The following RHOBTB3 variants were observed in gnomAD, a reference collection of about 807,000 sequenced individuals.
RHOBTB3 encodes the protein rho-related BTB domain-containing protein 3.
In RHOBTB3, 47 loss-of-function variants were observed where a neutral mutation model predicts 67.2. The ratio of observed to expected loss-of-function variants is 0.70; its 90% CI spans 0.55 to 0.89. The LOEUF (loss-of-function observed/expected upper bound fraction) is 0.89, where lower values mean the gene tolerates loss of function less well. Ranked by LOEUF, RHOBTB3 falls within the 40% of genes least tolerant of loss-of-function variation. The pLI is 0.00. For missense variants in RHOBTB3, 631 were observed against 750.0 expected (o/e 0.84, Z 1.85); for synonymous variants, 273 against 274.2 (o/e 1.00, Z 0.04).
At chr5:95,780,157 G>A in intron 8 of RHOBTB3, 95 bp from the exon 9 acceptor site, 1 of 913,754 alleles carries the variant, frequency 1.1e-6, no homozygotes, top group Non-Finnish European at 1.7e-6. Flanking sequence ...CAGCCTAGCT[G>A]TCCCTAATGT....
Position 95,783,974 on chromosome 5 carries a change from CTG to C in RHOBTB3, c.1623+15_1623+16del. 1 of 1,578,892 alleles carries C rather than the reference CTG, an allele frequency of 6.3e-7. No individual in the cohort carries two copies. Among genetic ancestry groups the C allele is most frequent in the Non-Finnish European group, 8.6e-7 (1 of 1,158,416 alleles). ...CTTAAAAAGGCCAAGGTAATTGACT[CTG>C]TGTATCTGATAGCCTAGTTTTTTAT... On this transcript the variant is annotated intron_variant, in intron 10 of 11. Coordinates refer to ENST00000379982, the MANE Select transcript of RHOBTB3 (RefSeq NM_014899.4).
chr5:95,793,893 T>G lies in RHOBTB3; in HGVS notation c.*719T>G. ...GTTCAAGGCTCTGCTATAGCGGAAA[T>G]TCTTAATAATGTTTGAAGAAGGGCC... is the stretch of plus-strand genomic sequence containing the variant. On this transcript the variant is annotated 3_prime_UTR_variant, in exon 12 of 12. Transcript: ENST00000379982. 1 of 426,982 alleles carries G rather than the reference T, an allele frequency of 2.3e-6. No individual in the cohort carries two copies. The highest frequency in any genetic ancestry group is 4.7e-6 in the Non-Finnish European group (1 of 214,072). The allele number at this position is 426,982 out of a possible 1,614,324, so 26.4% of individuals were successfully genotyped here.
At chr5:95,753,184 C>T (rs1745141869) in intron 5 of RHOBTB3, among the ~76,000 whole-genome samples, 1 of 150,412 alleles carries the variant, frequency 6.6e-6, no homozygotes, top group Admixed American at 6.6e-5. Context: ...CTGATATCTG[C>T]AACTTTTAAA....
At chr5:95,731,718 C>T in intron 1 of RHOBTB3, 34 bp downstream of exon 1, 2 of 1,613,034 alleles carry the variant, frequency 1.2e-6, no homozygotes, top group Non-Finnish European at 1.7e-6. Context: ...CATTGTCTCT[C>T]TCCAGCGCGT....
chr5:95,718,701 C>G (rs901418108), intron 1 of RHOBTB3, among the ~76,000 whole-genome samples: 2 of 152,198 alleles, frequency 1.3e-5, no homozygotes, highest in Non-Finnish European at 2.9e-5. Context: ...CGAAAAATCA[C>G]ACACTAAGGT....
intron 3 of RHOBTB3, among the ~76,000 whole-genome samples, chr5:95,745,896 G>A (rs1744897585): frequency 1.3e-5 from 2 of 151,914 alleles, no homozygotes; most frequent in Admixed American, 1.3e-4. Flanking sequence ...AGATCATATA[G>A]CTGACTGATA....
upstream of RHOBTB3, chr5:95,731,193 G>C (rs1755224659): frequency 1.0e-6 from 1 of 1,004,448 alleles, no homozygotes; most frequent in South Asian, 4.1e-5. Context: ...GGAGCTCCCG[G>C]GGCCTCCGCG....
upstream of RHOBTB3, among the ~76,000 whole-genome samples, chr5:95,728,997 A>C (rs1210213761): frequency 6.6e-6 from 1 of 152,220 alleles, no homozygotes; most frequent in African/African-American, 2.4e-5. Context: ...AAGTTACCCT[A>C]TATGGTCTAA....
intron 3 of RHOBTB3, among the ~76,000 whole-genome samples, chr5:95,743,475 G>A (rs1755657655): frequency 6.6e-6 from 1 of 152,036 alleles, no homozygotes; most frequent in African/African-American, 2.4e-5. Context: ...TGTGGCTGCA[G>A]TGTGAGCCTG....
intron 3 of RHOBTB3, among the ~76,000 whole-genome samples, chr5:95,747,965 C>A (rs1744969377): frequency 6.6e-6 from 1 of 152,192 alleles, no homozygotes; most frequent in African/African-American, 2.4e-5. Context: ...TTTCCATGCT[C>A]TCCATGGCAA....
intron 8 of RHOBTB3, among the ~76,000 whole-genome samples, chr5:95,771,320 T>G (rs560123272): frequency 1.3e-5 from 2 of 152,370 alleles, no homozygotes; most frequent in South Asian, 4.1e-4. Context: ...TAGAATTGTG[T>G]AGCAGCGAAC....
In RHOBTB3 at chr5:95,793,877, T is replaced by C; in HGVS notation, c.*703T>C. 1 of 408,338 alleles carries C rather than the reference T, an allele frequency of 2.4e-6. No individual in the cohort carries two copies. The highest frequency in any genetic ancestry group is 4.9e-6 in the Non-Finnish European group (1 of 205,558). The allele number at this position is 408,338 out of a possible 1,614,324, so 25.3% of individuals were successfully genotyped here. On this transcript the variant is annotated 3_prime_UTR_variant, in exon 12 of 12. Transcript: ENST00000379982. ...AAGGACCCCACACTTGGTTCAAGGC[T>C]CTGCTATAGCGGAAATTCTTAATAA...
At chr5:95,722,271 C>T (rs11958051) in intron 1 of RHOBTB3, among the ~76,000 whole-genome samples, 7,270 of 152,108 alleles carry the variant, frequency 0.048, 593 homozygotes, top group African/African-American at 0.16. Flanking sequence ...TATAGCAATA[C>T]TGAACAAAAT....
chr5:95,791,224 C>A (rs546070826), intron 11 of RHOBTB3, among the ~76,000 whole-genome samples: 1 of 152,038 alleles, frequency 6.6e-6, no homozygotes, highest in Non-Finnish European at 1.5e-5. Flanking sequence ...AAAAGTGAGA[C>A]TGGAAAAGAT....
intron 8 of RHOBTB3, among the ~76,000 whole-genome samples, chr5:95,778,118 CA>C (rs531257016): frequency 2.7e-3 from 364 of 136,174 alleles, no homozygotes; most frequent in Non-Finnish European, 2.9e-3. Flanking sequence ...GACTCTATCT[CA>C]AAAAAAAAAA....
At chr5:95,791,311 C>T (rs766479451) in intron 11 of RHOBTB3, among the ~76,000 whole-genome samples, 20 of 152,198 alleles carry the variant, frequency 1.3e-4, no homozygotes, top group Middle Eastern at 3.4e-3. Context: ...ATATACTGGA[C>T]TCATGAACAC....
chr5:95,758,406 T>C (rs1033240803), intron 6 of RHOBTB3, among the ~76,000 whole-genome samples: 1 of 152,216 alleles, frequency 6.6e-6, no homozygotes, highest in Non-Finnish European at 1.5e-5. Context: ...TCTGCTGCTT[T>C]CCAGGGATCA....
At position 95,752,287 on chromosome 5, in the gene RHOBTB3, A is replaced by C. The variant is rs1363696380; in HGVS notation, c.619A>C (p.Met207Leu). The change falls in exon 5 of 12, where the codon ATG (methionine) becomes CTG (leucine). Residue 207 changes from methionine to leucine, a missense_variant. By Grantham distance (15) the Met-to-Leu change is conservative. Transcript: ENST00000379982. The stretch of plus-strand genomic sequence containing the variant: ...CTTAAATCAGAAGACAAGTGAAAAA[A>C]TGAAGAAAAGAAAAATGAGCAACTC... ...QALNQKTSEK[M>L]KKRKMSNSFH... The C allele has an allele frequency of 6.2e-7, 1 of 1,605,894 alleles. No individual in the cohort carries two copies. The highest frequency in any genetic ancestry group is 8.5e-7 in the Non-Finnish European group (1 of 1,177,192).
chr5:95,773,408 C>T (rs115106112), intron 8 of RHOBTB3, among the ~76,000 whole-genome samples: 2,271 of 152,280 alleles, frequency 0.015, 52 homozygotes, highest in African/African-American at 0.052. Context: ...AGCAGCTTCT[C>T]TAAGGCCAGC....
Sources: gnomAD v4.1 joint callset for allele counts (sites outside exome capture counted in the v4.1 genomes callset) on GRCh38, gnomAD v4.1.1 for gene constraint, MANE v1.5 for transcripts, NCBI Gene and HGNC (gene_info 2026-07-23, HGNC 2026-07-21) for gene names.